Variants in FOXJ2 observed in about 807,000 individuals in gnomAD.
FOXJ2 encodes the protein forkhead box J2, also known as forkhead box protein J2.
A neutral mutation model predicts 68.4 loss-of-function variants in FOXJ2; 18 were observed. The ratio of observed to expected loss-of-function variants is 0.26; its 90% CI spans 0.18 to 0.39. FOXJ2 has a LOEUF of 0.39. Among genes scored for constraint, FOXJ2 ranks in the 10% least tolerant of loss-of-function variants. FOXJ2 has a pLI of 1.00. For synonymous variants in FOXJ2, 274 were observed against 263.2 expected, an observed-to-expected ratio of 1.04 and a Z score of -0.40; for missense variants, 670 against 726.5, an observed-to-expected ratio of 0.92 and a Z score of 0.89.
rs182649518 is a variant in FOXJ2, at chr12:8,038,876, G to C, written c.-14-943G>C. Among the ~76,000 whole-genome samples the C allele has an allele frequency of 6.6e-6, 1 of 152,188 alleles. No individual in the cohort carries two copies. The highest frequency in any genetic ancestry group is 2.4e-5 in the African/African-American group (1 of 41,442). ...GGAAGGAAGGAGGGAGGAGGAGGGC[G>C]GAGAAGGGGAGCCAGCTCCGAGCTC... On this transcript the variant is annotated intron_variant, in intron 1 of 10. Transcript: ENST00000162391. This position sits in a 1 kb window ranked among gnomAD's most constrained non-coding sequence, Gnocchi z 5.3.
At chr12:8,039,673 G>T in intron 1 of FOXJ2, 146 bp from the exon 2 acceptor site, 1 of 683,712 alleles carries the variant, frequency 1.5e-6, no homozygotes, top group Non-Finnish European at 2.5e-6. Flanking sequence ...AGATCTGCTT[G>T]GGGATTCTGG....
At chr12:8,043,300 C>T (rs1008969469) in intron 3 of FOXJ2, among the ~76,000 whole-genome samples, 1 of 151,356 alleles carries the variant, frequency 6.6e-6, no homozygotes. Context: ...CTTTCATGCT[C>T]CCCCTTTTTT....
At position 8,040,427 on chromosome 12, in the gene FOXJ2, CT is replaced by C. The variant is rs569459287; in HGVS notation, c.333+274del. On this transcript the variant is annotated intron_variant, in intron 2 of 10. Coordinates refer to ENST00000162391, the MANE Select transcript of FOXJ2 (RefSeq NM_018416.3). The surrounding 1 kb of genome is among the most constrained non-coding windows in gnomAD (Gnocchi z 4.0). ...GTTGCTCATCACACCCTCTTATCTT[CT>C]TTTTTTTTTTTGAGACAGAGTCTCG... Among the ~76,000 whole-genome samples the C allele has an allele frequency of 1.0e-3, 145 of 144,486 alleles. No individual in the cohort carries two copies. Among genetic ancestry groups the C allele is most frequent in the South Asian group, 1.3e-3 (6 of 4,576 alleles). 94.8% of individuals were successfully genotyped at this position (144,486 alleles called of 152,430 possible). A position where few individuals can be genotyped will look rare whatever the true frequency, so the allele number is the denominator to read the frequency against.
At chr12:8,051,119 T>TC in intron 10 of FOXJ2, among the ~76,000 whole-genome samples, 2 of 68,384 alleles carry the variant, frequency 2.9e-5, no homozygotes, top group Non-Finnish European at 6.8e-5. Context: ...TCCCTTCCCT[T>TC]CCCTTTCCCT....
Position 8,050,588 on chromosome 12 carries a change from C to G in FOXJ2, c.1604C>G (p.Pro535Arg). 1.2e-6 allele frequency: 2 copies of G among 1,614,076 alleles called. No individual in the cohort carries two copies. The highest frequency in any genetic ancestry group is 1.7e-6 in the Non-Finnish European group (2 of 1,179,988). ...GGCCCATCACCAATGTACCCAATCC[C>G]CACCCAGGACTCAGCAGGATACAAT... ...YPGPSPMYPI[P>R]TQDSAGYNRP... Residue 535 changes from proline (P) to arginine (R), a missense_variant, in exon 10 of 11, where the codon CCC becomes CGC. By Grantham distance (103) the Pro-to-Arg change is moderately radical (BLOSUM62 -2). Coordinates refer to ENST00000162391, the MANE Select transcript of FOXJ2 (RefSeq NM_018416.3).
intron 6 of FOXJ2, 24 bp from the exon 7 acceptor site, chr12:8,047,858 T>C (rs1333487714): frequency 2.6e-6 from 4 of 1,550,908 alleles, no homozygotes; most frequent in African/African-American, 1.4e-5. Flanking sequence ...TTAAGTCACT[T>C]GCCTGCTTCC....
At chr12:8,052,065 AC>A (rs1387065402) in intron 10 of FOXJ2, among the ~76,000 whole-genome samples, 3 of 151,718 alleles carry the variant, frequency 2.0e-5, no homozygotes, top group Non-Finnish European at 4.4e-5. Context: ...ACAGGGTTTC[AC>A]CATGTTGGCC....
At position 8,048,784 on chromosome 12, in the gene FOXJ2, A is replaced by G. The variant is rs749168304; in HGVS notation, c.1313A>G (p.Gln438Arg). Residue 438 changes from glutamine (Q) to arginine (R), a missense_variant, in exon 8 of 11, where the codon CAG becomes CGG. Physicochemically the swap from Gln to Arg is conservative, Grantham distance 43. This residue lies in a region of FOXJ2 where 555 missense variants were observed against 562.2 expected (regional missense o/e 0.99). Coordinates refer to ENST00000162391, the MANE Select transcript of FOXJ2 (RefSeq NM_018416.3). The part of the protein sequence containing the change: ...VNRLNWSSIE[Q>R]SQFSELMESL... The stretch of plus-strand genomic sequence containing the variant: ...CGGCTCAATTGGTCCAGCATTGAGC[A>G]GTCACAATTCTCAGGTTAGTGATCA... 17 of 1,613,834 alleles carry G rather than the reference A, an allele frequency of 1.1e-5. No homozygotes were observed. In the Admixed American group the frequency reaches 2.8e-4, roughly 27 times the overall value.
chr12:8,051,319 G>A (rs1232383818), intron 10 of FOXJ2, among the ~76,000 whole-genome samples: 3 of 151,850 alleles, frequency 2.0e-5, no homozygotes, highest in Non-Finnish European at 2.9e-5. Context: ...TAGTAGAGAC[G>A]GGGTTTTGCC....
At chr12:8,052,328 C>A (rs1947136831) in intron 10 of FOXJ2, among the ~76,000 whole-genome samples, 1 of 151,842 alleles carries the variant, frequency 6.6e-6, no homozygotes, top group Non-Finnish European at 1.5e-5. Flanking sequence ...ATGCCATTCT[C>A]CTGCTTCAGC....
intron 1 of FOXJ2, 101 bp downstream of exon 1, chr12:8,033,934 G>A: frequency 6.6e-6 from 1 of 152,384 alleles, no homozygotes. Flanking sequence ...GGAAGACAGA[G>A]TGATGACTCA....
In FOXJ2 at chr12:8,053,113, C is replaced by T. The variant is rs1353062033; in HGVS notation, c.*263C>T. 6.2e-6 allele frequency: 1 copy of T among 160,808 alleles called. No homozygotes were observed. The highest frequency in any genetic ancestry group is 1.3e-5 in the Non-Finnish European group (1 of 74,104). 10.0% of individuals were successfully genotyped at this position (160,808 alleles called of 1,614,324 possible). A position where few individuals can be genotyped will look rare whatever the true frequency, so the allele number is the denominator to read the frequency against. ...TATTATTATTATTATTGGTTATATACTGTCCATAGTCTCCTGTCCCTACAT... is the reference window on the plus strand; with the variant it reads ...TATTATTATTATTATTGGTTATATATTGTCCATAGTCTCCTGTCCCTACAT... On this transcript the variant is annotated 3_prime_UTR_variant, in exon 11 of 11. Transcript: ENST00000162391. This position sits in a 1 kb window ranked among gnomAD's most constrained non-coding sequence, Gnocchi z 4.1.
At chr12:8,047,189 A>G (rs1947048687) in intron 6 of FOXJ2, among the ~76,000 whole-genome samples, 1 of 152,054 alleles carries the variant, frequency 6.6e-6, no homozygotes, top group African/African-American at 2.4e-5. Context: ...GTGGTGTCTC[A>G]TGCCTGTAAT....
intron 10 of FOXJ2, 72 bp from the exon 11 acceptor site, chr12:8,052,690 C>T: frequency 7.7e-7 from 1 of 1,293,116 alleles, no homozygotes; most frequent in Non-Finnish European, 1.1e-6. Flanking sequence ...TGGGGCTGAG[C>T]ACTGTCCTTG....
At chr12:8,036,579 G>A (rs773416249) in intron 1 of FOXJ2, among the ~76,000 whole-genome samples, 1 of 152,276 alleles carries the variant, frequency 6.6e-6, no homozygotes, top group East Asian at 1.9e-4. Flanking sequence ...AGAGAGGTCT[G>A]GGTAACTAGG....
intron 4 of FOXJ2, 31 bp downstream of exon 4, chr12:8,043,800 A>T (rs989003404): frequency 6.2e-7 from 1 of 1,613,760 alleles, no homozygotes; most frequent in Non-Finnish European, 8.5e-7. Flanking sequence ...GAGATGCCAT[A>T]TCTGAGCCAG....
In FOXJ2 at chr12:8,052,777, C is replaced by A. The variant is rs1306123738; in HGVS notation, c.1652C>A (p.Pro551His). The change falls in exon 11 of 11, where the codon CCT becomes CAT. Residue 551 changes from proline to histidine, a missense_variant. Transcript: ENST00000162391. Reference sequence around the variant, plus strand: ...TTTCTAACAGCACACCATATGGTCCCTCGGCCATCAGTGCCACCTCCTGGT... The same window carrying A: ...TTTCTAACAGCACACCATATGGTCCATCGGCCATCAGTGCCACCTCCTGGT... ...GYNRPAHHMV[P>H]RPSVPPPGAN... The A allele has an allele frequency of 5.0e-6, 8 of 1,610,094 alleles. No individual in the cohort carries two copies. The highest frequency in any genetic ancestry group is 6.8e-6 in the Non-Finnish European group (8 of 1,177,928).
intron 10 of FOXJ2, among the ~76,000 whole-genome samples, chr12:8,052,082 G>A (rs1947133338): frequency 1.3e-5 from 2 of 151,930 alleles, no homozygotes; most frequent in Admixed American, 1.3e-4. Context: ...TGGCCAGTCT[G>A]GTCTAGAACT....
At chr12:8,043,618 T>C in intron 3 of FOXJ2, 83 bp from the exon 4 acceptor site, 1 of 1,393,090 alleles carries the variant, frequency 7.2e-7, no homozygotes, top group Non-Finnish European at 1.0e-6. Flanking sequence ...CTAGGACAAA[T>C]TTGCTCTTCA....
Sources: gnomAD v4.1 joint callset for allele counts (sites outside exome capture counted in the v4.1 genomes callset) on GRCh38, gnomAD v4.1.1 for gene constraint, gnomAD v4.1.1 regional missense constraint, Gnocchi (gnomAD v3.1) non-coding constraint, MANE v1.5 for transcripts, NCBI Gene and HGNC (gene_info 2026-07-23, HGNC 2026-07-21) for gene names.